The following FMN1 variants were observed in gnomAD, a reference collection of about 807,000 sequenced individuals.
FMN1 encodes formin-1.
In FMN1, 110 loss-of-function variants were observed where a neutral mutation model predicts 132.4. The ratio of observed to expected loss-of-function variants is 0.83; its 90% CI spans 0.71 to 0.97. The LOEUF (loss-of-function observed/expected upper bound fraction) is 0.97, where lower values mean the gene tolerates loss of function less well. Ranked by LOEUF, FMN1 falls within the 50% of genes least tolerant of loss-of-function variation. FMN1 has a pLI of 0.00. For missense variants in FMN1, 1,792 were observed against 1,705.3 expected, an observed-to-expected ratio of 1.05 and a Z score of -0.90; for synonymous variants, 722 against 651.7, an observed-to-expected ratio of 1.11 and a Z score of -1.64.
At chr15:32,973,774 A>G (rs1487811260) in intron 7 of FMN1, among the ~76,000 whole-genome samples, 1 of 152,176 alleles carries the variant, frequency 6.6e-6, no homozygotes, top group Non-Finnish European at 1.5e-5. Context: ...TCTATTACAA[A>G]TGAAGCATCT....
At chr15:32,791,795 C>T (rs2057088848) in intron 19 of FMN1, among the ~76,000 whole-genome samples, 2 of 151,982 alleles carry the variant, frequency 1.3e-5, no homozygotes, top group Admixed American at 1.3e-4. Flanking sequence ...GATAGTGTTG[C>T]AATTGAAAGT....
chr15:32,883,370 C>T (rs1215354738), intron 16 of FMN1, among the ~76,000 whole-genome samples: 2 of 151,596 alleles, frequency 1.3e-5, no homozygotes, highest in East Asian at 1.9e-4. Flanking sequence ...ATTAGCTGGG[C>T]GTGGTGGTAT....
chr15:32,781,187 C>G (rs1360508254), intron 19 of FMN1, among the ~76,000 whole-genome samples: 1 of 152,032 alleles, frequency 6.6e-6, no homozygotes, highest in Non-Finnish European at 1.5e-5. Context: ...TTCAAAAAAT[C>G]TTCAAAATAG....
chr15:32,981,207 T>A (rs1168978985), intron 7 of FMN1, among the ~76,000 whole-genome samples: 1 of 152,094 alleles, frequency 6.6e-6, no homozygotes, highest in African/African-American at 2.4e-5. Context: ...TTAATTAAAT[T>A]CTGACTGGGT....
chr15:33,023,385 A>C (rs1443347939), intron 6 of FMN1, among the ~76,000 whole-genome samples: 1 of 152,238 alleles, frequency 6.6e-6, no homozygotes, highest in Non-Finnish European at 1.5e-5. Flanking sequence ...CACCCAATGC[A>C]AATTTAAATC....
At chr15:33,118,105 A>G (rs949636684) in intron 4 of FMN1, among the ~76,000 whole-genome samples, 1 of 152,224 alleles carries the variant, frequency 6.6e-6, no homozygotes, top group African/African-American at 2.4e-5. Flanking sequence ...GAAAATGTAA[A>G]TACATGTGCA....
chr15:32,878,409 A>G (rs2059687969), intron 16 of FMN1, among the ~76,000 whole-genome samples: 1 of 152,182 alleles, frequency 6.6e-6, no homozygotes, highest in African/African-American at 2.4e-5. Context: ...GAAGACCAAG[A>G]GTGGAAGCAG....
chr15:32,955,135 T>C (rs2140523033), intron 9 of FMN1, among the ~76,000 whole-genome samples: 1 of 152,306 alleles, frequency 6.6e-6, no homozygotes, highest in East Asian at 1.9e-4. Context: ...TCTCACTGGG[T>C]TTTTGATCAA....
intron 9 of FMN1, among the ~76,000 whole-genome samples, chr15:32,956,356 C>G (rs1809800767): frequency 7.2e-6 from 1 of 138,308 alleles, no homozygotes; most frequent in Admixed American, 6.9e-5. Context: ...AAGTCCTAAC[C>G]ACTCTTTTTT....
chr15:33,067,169 CCTT>C, intron 5 of FMN1: 2 of 1,613,600 alleles, frequency 1.2e-6, no homozygotes, highest in Non-Finnish European at 1.7e-6. Flanking sequence ...GTCTTGGGAC[CCTT>C]CTTCTCCCAC....
intron 3 of FMN1, among the ~76,000 whole-genome samples, chr15:33,179,627 TC>T (rs1301936301): frequency 6.6e-6 from 1 of 152,172 alleles, no homozygotes. Context: ...ACATTCTGTC[TC>T]CCCTACAACT....
intron 19 of FMN1, among the ~76,000 whole-genome samples, chr15:32,789,047 C>A (rs2056976518): frequency 6.6e-6 from 1 of 152,148 alleles, no homozygotes; most frequent in Non-Finnish European, 1.5e-5. Context: ...CAGCAGACAG[C>A]AAATCTTGCA....
rs61564380 is a variant in FMN1, at chr15:33,129,787, A to AT, written c.1867+23260dup. ...CTGACCAGAAAAGAGTTGACTAGCA[A>AT]TTTTTTTTTTTTTTTTTTTTTTTGA... is the stretch of plus-strand genomic sequence containing the variant. On this transcript the variant is annotated intron_variant, in intron 4 of 20. Transcript: ENST00000616417. 6.9e-3 allele frequency among the ~76,000 whole-genome samples: 843 copies of AT among 121,706 alleles called. 3 individuals are homozygous for AT. Among genetic ancestry groups the AT allele is most frequent in the African/African-American group, 0.013 (426 of 32,026 alleles). The allele number at this position is 121,706 out of a possible 152,430, so 79.8% of individuals were successfully genotyped here.
rs765362441 is a variant in FMN1 at position 32,798,800 on chromosome 15, T to C, written c.4130+4A>G. The C allele has an allele frequency of 1.2e-6, 2 of 1,609,324 alleles. No individual in the cohort carries two copies. The highest frequency in any genetic ancestry group is 4.5e-5 in the East Asian group (2 of 44,834). ...AGGCATTAAAATCTTTTTTTGAACCTTACCTTTCTTTAGATATGTTTTTAC... is the reference window on the plus strand; with the variant it reads ...AGGCATTAAAATCTTTTTTTGAACCCTACCTTTCTTTAGATATGTTTTTAC... On this transcript the variant is annotated splice_donor_region_variant and intron_variant, in intron 19 of 20. Coordinates refer to ENST00000616417, the MANE Select transcript of FMN1 (RefSeq NM_001277313.2).
At chr15:32,973,897 G>A (rs751294003) in intron 7 of FMN1, among the ~76,000 whole-genome samples, 7 of 152,216 alleles carry the variant, frequency 4.6e-5, no homozygotes, top group Non-Finnish European at 8.8e-5. Flanking sequence ...ATTATGTGCT[G>A]TTCCCCCTCC....
In FMN1 at chr15:33,034,512, G is replaced by A. The variant is rs80176435; in HGVS notation, c.2162-26437C>T. Among the ~76,000 whole-genome samples the A allele has an allele frequency of 1.2e-3, 183 of 152,292 alleles. 1 individual carries two copies. The highest frequency in any genetic ancestry group is 0.012 in the Admixed American group (182 of 15,302). The stretch of plus-strand genomic sequence containing the variant: ...GGACTGCTTGAGCCCAGCAGGCCTA[G>A]GCTGCAGTGAGCTGTGATTGCACCA... On this transcript the variant is annotated intron_variant, in intron 6 of 20. Transcript: ENST00000616417.
intron 9 of FMN1, among the ~76,000 whole-genome samples, chr15:32,926,678 T>C (rs763321288): frequency 4.0e-4 from 61 of 152,286 alleles, no homozygotes; most frequent in Non-Finnish European, 7.5e-4. Flanking sequence ...TTCTGAGTGA[T>C]TTAGGGGAAA....
chr15:33,163,486 G>T (rs1252679642), intron 3 of FMN1, among the ~76,000 whole-genome samples: 1 of 151,600 alleles, frequency 6.6e-6, no homozygotes, highest in Non-Finnish European at 1.5e-5. Context: ...TAGAGAGGGG[G>T]TTTCTCCATG....
chr15:32,980,207 G>A (rs545887057), intron 7 of FMN1, among the ~76,000 whole-genome samples: 95 of 142,502 alleles, frequency 6.7e-4, no homozygotes, highest in Admixed American at 1.2e-3. Context: ...GACATAAGAT[G>A]CCAGAAAGGG....
Sources: gnomAD v4.1 joint callset for allele counts (sites outside exome capture counted in the v4.1 genomes callset) on GRCh38, gnomAD v4.1.1 for gene constraint, MANE v1.5 for transcripts, NCBI Gene and HGNC (gene_info 2026-07-23, HGNC 2026-07-21) for gene names.